The following TRIB2 variants were observed in gnomAD, a reference collection of about 807,000 sequenced individuals.
TRIB2 encodes tribbles pseudokinase 2.
TRIB2 carries 2 observed loss-of-function variants against 26.8 expected under a neutral mutation model. The observed-to-expected ratio is 0.07, with a 90% CI of 0.03 to 0.24. The LOEUF (loss-of-function observed/expected upper bound fraction) is 0.24. Ranked by LOEUF, TRIB2 falls within the 10% of genes least tolerant of loss-of-function variation. The pLI is 1.00. For synonymous variants in TRIB2, 189 were observed against 187.3 expected, an observed-to-expected ratio of 1.01 and a Z score of -0.08; for missense variants, 306 against 449.0, an observed-to-expected ratio of 0.68 and a Z score of 2.88.
At chr2:12,735,081 C>T (rs1001546613) in intron 2 of TRIB2, among the ~76,000 whole-genome samples, 6 of 152,174 alleles carry the variant, frequency 3.9e-5, no homozygotes, top group South Asian at 2.1e-4. Context: ...CACTCACCCC[C>T]GCCTGTCAGA....
rs1010696778 is a variant in TRIB2 at position 12,732,478 on chromosome 2, G to T, written c.564-7848G>T. Among the ~76,000 whole-genome samples, 2 of 152,126 alleles carry T rather than the reference G, an allele frequency of 1.3e-5. No individual in the cohort carries two copies. Among genetic ancestry groups the T allele is most frequent in the Non-Finnish European group, 2.9e-5 (2 of 68,034 alleles). Reference sequence around the variant, plus strand: ...CTATAGACATCTCTCCCTCCACCACGATGCCCTGAGATGCTTCCCCCGTGG... The same window carrying T: ...CTATAGACATCTCTCCCTCCACCACTATGCCCTGAGATGCTTCCCCCGTGG... On this transcript the variant is annotated intron_variant, in intron 2 of 2. Transcript: ENST00000155926. This position sits in a 1 kb window ranked among gnomAD's most constrained non-coding sequence, Gnocchi z 4.2.
intron 2 of TRIB2, among the ~76,000 whole-genome samples, chr2:12,733,287 A>G (rs1661496187): frequency 6.6e-6 from 1 of 152,214 alleles, no homozygotes; most frequent in Admixed American, 6.5e-5. Flanking sequence ...GTTAGCTGTG[A>G]ATGGGATGGT....
chr2:12,724,675 T>G, intron 2 of TRIB2: 1 of 1,612,924 alleles, frequency 6.2e-7, no homozygotes. Flanking sequence ...GGTTTTGCCT[T>G]CGATACCCTC....
At chr2:12,733,535 A>G (rs571719021) in intron 2 of TRIB2, among the ~76,000 whole-genome samples, 8 of 152,256 alleles carry the variant, frequency 5.3e-5, no homozygotes, top group African/African-American at 1.9e-4. Context: ...TTCCTTATAT[A>G]TTAGGTAGCA....
chr2:12,737,868 G>T (rs968073764), intron 2 of TRIB2, among the ~76,000 whole-genome samples: 4 of 151,904 alleles, frequency 2.6e-5, no homozygotes, highest in Non-Finnish European at 4.4e-5. Context: ...TTTTTTTAAA[G>T]ACTTCCTTGT....
rs569125961 is a variant in TRIB2 at position 12,728,155 on chromosome 2, C to G, written c.563+4603C>G. 1.1e-4 allele frequency among the ~76,000 whole-genome samples: 16 copies of G among 152,310 alleles called. 1 individual carries two copies. The highest frequency in any genetic ancestry group is 3.9e-4 in the African/African-American group (16 of 41,540). ...AAATTACCTAAGCTTTGTGCCCAGA[C>G]TGCCTCATCTGCAAAGTGGAAATAA... On this transcript the variant is annotated intron_variant, in intron 2 of 2. Transcript: ENST00000155926.
At chr2:12,728,766 C>T (rs1298672379) in intron 2 of TRIB2, among the ~76,000 whole-genome samples, 1 of 152,278 alleles carries the variant, frequency 6.6e-6, no homozygotes, top group Non-Finnish European at 1.5e-5. Context: ...GCCACCTGCC[C>T]AGATTCACAG....
Position 12,732,367 on chromosome 2 carries a change from T to G in TRIB2, c.564-7959T>G, listed in dbSNP as rs1414927686. 2.0e-5 allele frequency among the ~76,000 whole-genome samples: 3 copies of G among 152,334 alleles called. No individual in the cohort carries two copies. The East Asian group carries it at 5.8e-4, about 29-fold the overall frequency. ...GTTCCTTCATCTGTCTCTAAGCTGC[T>G]GTAGTCTCCTGCATCAAATCGGTGT... On this transcript the variant is annotated intron_variant, in intron 2 of 2. Transcript: ENST00000155926. This position sits in a 1 kb window ranked among gnomAD's most constrained non-coding sequence, Gnocchi z 4.2.
intron 2 of TRIB2, among the ~76,000 whole-genome samples, chr2:12,737,646 T>C (rs1212932975): frequency 6.6e-6 from 1 of 152,250 alleles, no homozygotes; most frequent in Non-Finnish European, 1.5e-5. Context: ...AGACTATGTA[T>C]TCTATAGATT....
In TRIB2 at chr2:12,740,846, G is replaced by T. The variant is rs1661697317; in HGVS notation, c.*52G>T. 1 of 1,520,814 alleles carries T rather than the reference G, an allele frequency of 6.6e-7. No homozygotes were observed. Among genetic ancestry groups the T allele is most frequent in the Non-Finnish European group, 9.0e-7 (1 of 1,114,174 alleles). 94.2% of individuals were successfully genotyped at this position (1,520,814 alleles called of 1,614,324 possible). ...GTTCCAGGAGTGAGCGAGGGCAGCG[G>T]AAAGGAGTTCTTCCGGGGGACACGA... is the stretch of plus-strand genomic sequence containing the variant. On this transcript the variant is annotated 3_prime_UTR_variant, in exon 3 of 3. Coordinates refer to ENST00000155926, the MANE Select transcript of TRIB2 (RefSeq NM_021643.4). The surrounding 1 kb of genome is among the most constrained non-coding windows in gnomAD (Gnocchi z 5.8).
Position 12,723,112 on chromosome 2 carries a change from T to C in TRIB2, c.271-148T>C, listed in dbSNP as rs1004061153. On this transcript the variant is annotated intron_variant, in intron 1 of 2. Transcript: ENST00000155926. ...GACTTGTTTAGTGCCACACAGCTGG[T>C]AGGAGGCAGGGCCAATGTGGTCTGG... 1.0e-5 allele frequency: 8 copies of C among 792,946 alleles called. No homozygotes were observed. The African/African-American group carries it at 1.4e-4, about 14-fold the overall frequency. 49.1% of individuals were successfully genotyped at this position (792,946 alleles called of 1,614,324 possible).
chr2:12,741,108 T>C lies in TRIB2; in HGVS notation c.*314T>C. ...ACTTTTCATTTTGTTCCAAAATAGTTGCAGATCCTGACAGAATCAAAACTC... is the reference window on the plus strand; with the variant it reads ...ACTTTTCATTTTGTTCCAAAATAGTCGCAGATCCTGACAGAATCAAAACTC... On this transcript the variant is annotated 3_prime_UTR_variant, in exon 3 of 3. Transcript: ENST00000155926. 3.3e-6 allele frequency: 1 copy of C among 303,722 alleles called. No homozygotes were observed. Among genetic ancestry groups the C allele is most frequent in the East Asian group, 6.7e-5 (1 of 14,898 alleles). The allele number at this position is 303,722 out of a possible 1,614,324, so 18.8% of individuals were successfully genotyped here.
At chr2:12,728,304 G>A (rs1044277406) in intron 2 of TRIB2, among the ~76,000 whole-genome samples, 4 of 152,192 alleles carry the variant, frequency 2.6e-5, no homozygotes, top group African/African-American at 9.6e-5. Flanking sequence ...GCAGACGGGA[G>A]CTCCTGCTGA....
Position 12,718,352 on chromosome 2 carries a change from G to A in TRIB2, c.45G>A (p.Gly15=). The A allele has an allele frequency of 2.5e-6, 4 of 1,614,206 alleles. No homozygotes were observed. Among genetic ancestry groups the A allele is most frequent in the Non-Finnish European group, 3.4e-6 (4 of 1,180,046 alleles). Residue 15 remains glycine (G), a synonymous_variant, in exon 1 of 3, where the codon GGG becomes GGA. Coordinates refer to ENST00000155926, the MANE Select transcript of TRIB2 (RefSeq NM_021643.4). This position sits in a 1 kb window ranked among gnomAD's most constrained non-coding sequence, Gnocchi z 4.0. ...RSTPITIARY[G]RSRNKTQDFE... Reference sequence around the variant, plus strand: ...CCCCCATCACAATAGCGAGATATGGGAGATCGCGGAACAAAACCCAGGATT... The same window carrying A: ...CCCCCATCACAATAGCGAGATATGGAAGATCGCGGAACAAAACCCAGGATT...
At position 12,718,325 on chromosome 2, in the gene TRIB2, T is replaced by C. The variant is rs1377561891; in HGVS notation, c.18T>C (p.Ser6=). 6.2e-7 allele frequency: 1 copy of C among 1,614,070 alleles called. No individual in the cohort carries two copies. The highest frequency in any genetic ancestry group is 2.2e-5 in the East Asian group (1 of 44,888). The change falls in exon 1 of 3, where the codon TCT becomes TCC. Residue 6 remains serine (S), a synonymous_variant. Transcript: ENST00000155926. The surrounding 1 kb of genome is among the most constrained non-coding windows in gnomAD (Gnocchi z 4.0). ...TCACACTCATGAACATACACAGGTC[T>C]ACCCCCATCACAATAGCGAGATATG... MNIHR[S]TPITIARYGR...
chr2:12,737,343 TGAG>T (rs1288575819), intron 2 of TRIB2: 2 of 148,318 alleles, frequency 1.3e-5, no homozygotes, highest in Non-Finnish European at 1.5e-5. Flanking sequence ...AAATTGGAGA[TGAG>T]GAGTCTGGCT....
chr2:12,740,869 C>T lies in TRIB2; in HGVS notation c.*75C>T, dbSNP rs969912421. ...CGGAAAGGAGTTCTTCCGGGGGACACGAATTGCCTGGCTGAGTAGCAAGAA... is the reference window on the plus strand; with the variant it reads ...CGGAAAGGAGTTCTTCCGGGGGACATGAATTGCCTGGCTGAGTAGCAAGAA... On this transcript the variant is annotated 3_prime_UTR_variant, in exon 3 of 3. Coordinates refer to ENST00000155926, the MANE Select transcript of TRIB2 (RefSeq NM_021643.4). The surrounding 1 kb of genome is among the most constrained non-coding windows in gnomAD (Gnocchi z 5.8). The T allele has an allele frequency of 7.3e-6, 10 of 1,363,696 alleles. No homozygotes were observed. The highest frequency in any genetic ancestry group is 9.1e-6 in the Non-Finnish European group (9 of 987,628). 84.5% of individuals were successfully genotyped at this position (1,363,696 alleles called of 1,614,324 possible).
intron 1 of TRIB2, among the ~76,000 whole-genome samples, chr2:12,719,644 G>T (rs1661149654): frequency 6.7e-6 from 1 of 150,156 alleles, no homozygotes; most frequent in South Asian, 2.1e-4. Context: ...ATGGTCACTG[G>T]GCACGGTTGT....
At chr2:12,723,582 C>T (rs1478341842) in intron 2 of TRIB2, 30 bp downstream of exon 2, 2 of 1,593,576 alleles carry the variant, frequency 1.3e-6, no homozygotes, top group East Asian at 4.5e-5. Flanking sequence ...GACCTGGGTA[C>T]TGTGATGGAC....
Sources: allele counts gnomAD v4.1 joint callset (sites outside exome capture counted in the v4.1 genomes callset), GRCh38; gene constraint gnomAD v4.1.1; non-coding constraint Gnocchi (gnomAD v3.1); transcripts MANE v1.5; gene names NCBI Gene and HGNC (gene_info 2026-07-23, HGNC 2026-07-21).